Variants in HOPX observed in about 807,000 individuals in gnomAD.
HOPX encodes homeodomain-only protein.
Under a neutral mutation model 11.8 loss-of-function variants are expected in HOPX, and 5 were observed. That is an observed-to-expected ratio of 0.43 (90% CI 0.22 to 0.89). The LOEUF is 0.89. Ranked by LOEUF, HOPX falls within the 40% of genes least tolerant of loss-of-function variation. The pLI, the probability that HOPX is intolerant of heterozygous loss-of-function variation, is 0.28. For missense variants in HOPX, 119 were observed against 120.0 expected, an observed-to-expected ratio of 0.99 and a Z score of 0.04; for synonymous variants, 49 against 49.7, an observed-to-expected ratio of 0.99 and a Z score of 0.06.
chr4:56,656,264 GC>G, intron 2 of HOPX: 5 of 1,164,942 alleles, frequency 4.3e-6, no homozygotes, highest in East Asian at 4.1e-5. Context: ...CGCCTCCCGC[GC>G]CCCCCGGGAC....
At chr4:56,679,343 A>G (rs1438728715) in intron 1 of HOPX, 1 of 152,222 alleles carries the variant, frequency 6.6e-6, no homozygotes, top group East Asian at 1.9e-4. Flanking sequence ...AAATCTTCCC[A>G]TATAAGAAAT....
At chr4:56,662,456 A>ATT (rs1371714397) in intron 1 of HOPX, 1 of 147,190 alleles carries the variant, frequency 6.8e-6, no homozygotes, top group African/African-American at 2.5e-5. Flanking sequence ...CAAATGTATT[A>ATT]TTTTCTTTCT....
At chr4:56,666,784 A>G (rs1308304106) in intron 1 of HOPX, among the ~76,000 whole-genome samples, 1 of 152,230 alleles carries the variant, frequency 6.6e-6, no homozygotes, top group Non-Finnish European at 1.5e-5. Flanking sequence ...GGTCTAGTCT[A>G]ACTCTATGAT....
In HOPX at chr4:56,680,937, T is replaced by C. The variant is rs530817272; in HGVS notation, c.-84+318A>G. 9 of 666,668 alleles carry C rather than the reference T, an allele frequency of 1.3e-5. No individual in the cohort carries two copies. The African/African-American group carries it at 1.4e-4, about 10-fold the overall frequency. 41.3% of individuals were successfully genotyped at this position (666,668 alleles called of 1,614,324 possible). A position where few individuals can be genotyped will look rare whatever the true frequency, so the allele number is the denominator to read the frequency against. On this transcript the variant is annotated intron_variant, in intron 1 of 3. Transcript: ENST00000420433. The stretch of plus-strand genomic sequence containing the variant: ...GAGAAAATCATAGGCATCTGACAAA[T>C]GCTGGTTTCAAAGTTATCTTTCCAA...
Position 56,676,531 on chromosome 4 carries a change from T to TTTTTC in HOPX, c.-84+4719_-84+4723dup, listed in dbSNP as rs1000809418. The TTTTTC allele has an allele frequency of 7.9e-5, 12 of 151,632 alleles. 1 individual carries two copies. Among genetic ancestry groups the TTTTTC allele is most frequent in the African/African-American group, 2.9e-4 (12 of 40,988 alleles). The allele number at this position is 151,632 out of a possible 1,614,324, so 9.4% of individuals were successfully genotyped here. A position where few individuals can be genotyped will look rare whatever the true frequency, so the allele number is the denominator to read the frequency against. ...ATCAGTCTTGCAAACTTGTCATTTG[T>TTTTTC]TTTTCTTTTCTTTTTTTTTTTATTT... is the stretch of plus-strand genomic sequence containing the variant. On this transcript the variant is annotated intron_variant, in intron 1 of 3. Coordinates refer to ENST00000420433, the MANE Select transcript of HOPX (RefSeq NM_032495.6).
intron 1 of HOPX, among the ~76,000 whole-genome samples, chr4:56,670,767 C>T (rs1341761512): frequency 6.6e-6 from 1 of 152,032 alleles, no homozygotes; most frequent in Non-Finnish European, 1.5e-5. Context: ...GAGGCTGAGG[C>T]GAGCGGATTA....
intron 1 of HOPX, chr4:56,663,056 T>C (rs1462213001): frequency 6.6e-6 from 1 of 152,224 alleles, no homozygotes; most frequent in Non-Finnish European, 1.5e-5. Flanking sequence ...ATAAAGATAA[T>C]GGGATCTCTC....
intron 3 of HOPX, among the ~76,000 whole-genome samples, chr4:56,654,955 A>G (rs1717536365): frequency 6.6e-6 from 1 of 152,206 alleles, no homozygotes; most frequent in Non-Finnish European, 1.5e-5. Flanking sequence ...TTCCATGACC[A>G]AAGGGAAAAG....
intron 1 of HOPX, chr4:56,664,776 T>C (rs1347278821): frequency 6.6e-6 from 1 of 152,198 alleles, no homozygotes. Flanking sequence ...ATTTCTCTGC[T>C]CCTTCCTCAC....
At chr4:56,668,236 T>C (rs1326451527) in intron 1 of HOPX, among the ~76,000 whole-genome samples, 1 of 152,126 alleles carries the variant, frequency 6.6e-6, no homozygotes, top group African/African-American at 2.4e-5. Context: ...AAACTGATTA[T>C]ATTTATATAC....
At chr4:56,675,140 T>A (rs187825696) in intron 1 of HOPX, among the ~76,000 whole-genome samples, 3 of 151,634 alleles carry the variant, frequency 2.0e-5, no homozygotes, top group African/African-American at 7.3e-5. Flanking sequence ...GAACTTCTTT[T>A]TGGTTTAGCC....
In HOPX at chr4:56,648,631, A is replaced by C. The variant is rs555333079; in HGVS notation, c.*89T>G. On this transcript the variant is annotated 3_prime_UTR_variant, in exon 4 of 4. Transcript: ENST00000420433. ...AGCTAGCAATGGAACATACAACACT[A>C]TGCTGAAAAACCACAACAGCTTGGT... 155 of 899,006 alleles carry C rather than the reference A, an allele frequency of 1.7e-4. No individual in the cohort carries two copies. The highest frequency in any genetic ancestry group is 2.5e-4 in the Non-Finnish European group (143 of 561,550). The allele number at this position is 899,006 out of a possible 1,614,324, so 55.7% of individuals were successfully genotyped here.
chr4:56,651,372 G>A (rs1717154848), intron 3 of HOPX, among the ~76,000 whole-genome samples: 1 of 151,830 alleles, frequency 6.6e-6, no homozygotes, highest in Non-Finnish European at 1.5e-5. Context: ...AAAACCAGTT[G>A]CAATCCAACA....
At chr4:56,673,653 T>A (rs978402860) in intron 1 of HOPX, among the ~76,000 whole-genome samples, 1 of 152,216 alleles carries the variant, frequency 6.6e-6, no homozygotes, top group Non-Finnish European at 1.5e-5. Flanking sequence ...AGTGGCTTTA[T>A]AGCCTTCTCT....
chr4:56,655,568 G>A (rs555956899), intron 3 of HOPX, among the ~76,000 whole-genome samples: 3 of 145,180 alleles, frequency 2.1e-5, no homozygotes, highest in South Asian at 2.1e-4. Context: ...CCGGGCTGCC[G>A]GGGAGAGTGG....
intron 1 of HOPX, among the ~76,000 whole-genome samples, chr4:56,667,441 T>C (rs933329699): frequency 1.3e-5 from 2 of 152,196 alleles, no homozygotes; most frequent in Non-Finnish European, 2.9e-5. Context: ...TGTTTTTTTT[T>C]CTCTGTTTAT....
chr4:56,681,567 T>C, upstream of HOPX: 1 of 1,000,256 alleles, frequency 1.0e-6, no homozygotes, highest in Non-Finnish European at 1.2e-6. Flanking sequence ...AGCAAGCTTC[T>C]TCACCAAGAT....
chr4:56,675,133 C>G (rs1417437127), intron 1 of HOPX, among the ~76,000 whole-genome samples: 2 of 151,518 alleles, frequency 1.3e-5, no homozygotes, highest in Non-Finnish European at 2.9e-5. Context: ...TTATACTGAA[C>G]TTCTTTTTGG....
intron 3 of HOPX, chr4:56,649,914 G>A (rs1379184446): frequency 6.6e-6 from 1 of 152,416 alleles, no homozygotes. Flanking sequence ...TGAGGAAACA[G>A]ATGAGCAAGC....
Sources: allele counts gnomAD v4.1 joint callset (sites outside exome capture counted in the v4.1 genomes callset), GRCh38; gene constraint gnomAD v4.1.1; transcripts MANE v1.5; gene names NCBI Gene and HGNC (gene_info 2026-07-23, HGNC 2026-07-21).